EVI5: variants seen among roughly 807,000 people sequenced by gnomAD.
EVI5 encodes the protein ecotropic viral integration site 5.
A neutral mutation model predicts 112.0 loss-of-function variants in EVI5; 73 were observed. That is an observed-to-expected ratio of 0.65 (90% CI 0.54 to 0.79). The LOEUF is 0.79. EVI5 is among the 30% of genes least tolerant of loss of function. The probability of loss-of-function intolerance (pLI) is 0.00; values close to 1 mark genes in which losing one functional copy is unlikely to be tolerated. For synonymous variants in EVI5, 305 were observed against 319.9 expected (o/e 0.95, Z 0.50); for missense variants, 900 against 968.8 (o/e 0.93, Z 0.94).
rs1296529806 is a variant in EVI5, at chr1:92,697,928, G to A, written c.697C>T (p.Arg233Cys). 9 of 1,611,924 alleles carry A rather than the reference G, an allele frequency of 5.6e-6. No individual in the cohort carries two copies. Among genetic ancestry groups the A allele is most frequent in the African/African-American group, 2.7e-5 (2 of 74,788 alleles). Residue 233 changes from arginine to cysteine, a missense_variant, in exon 6 of 20, where the codon CGT becomes TGT. Arg to Cys is a radical substitution (Grantham distance 180). Transcript: ENST00000684568. ...GCCATACTTGGTTTAAAAAGTTCAC[G>A]AAGTCTATAATCTTGCATTAATTTA... ...FVKLMQDYRL[R>C]ELFKPSMAEL... is the part of the protein sequence containing the mutation.
intron 6 of EVI5, among the ~76,000 whole-genome samples, chr1:92,695,676 A>G (rs1670210041): frequency 6.6e-6 from 1 of 152,192 alleles, no homozygotes; most frequent in African/African-American, 2.4e-5. Flanking sequence ...CATTTAATTT[A>G]TTAATAAAAA....
At chr1:92,734,184 C>A (rs1464762508) in intron 2 of EVI5, among the ~76,000 whole-genome samples, 1 of 152,014 alleles carries the variant, frequency 6.6e-6, no homozygotes, top group African/African-American at 2.4e-5. Flanking sequence ...AATGTTAGGC[C>A]TAGGATGAGA....
intron 11 of EVI5, among the ~76,000 whole-genome samples, 180 bp from the exon 12 acceptor site, chr1:92,663,632 T>C (rs946449146): frequency 2.6e-5 from 4 of 152,218 alleles, no homozygotes; most frequent in Admixed American, 6.5e-5. Context: ...AAGAAAAATA[T>C]ATAAAAACAA....
At chr1:92,706,523 T>C (rs966815691) in intron 2 of EVI5, among the ~76,000 whole-genome samples, 6 of 152,234 alleles carry the variant, frequency 3.9e-5, no homozygotes, top group Non-Finnish European at 8.8e-5. Flanking sequence ...AAGAAAATAA[T>C]GGTTTTCCTA....
rs570036022 is a variant in EVI5 at position 92,711,914 on chromosome 1, A to G, written c.150-7170T>C. ...AGGGTGGGAAGCCCAAGATCAAGGC[A>G]CCAGCAAGTTTGGCATAAGATAAGG... is the stretch of plus-strand genomic sequence containing the variant. On this transcript the variant is annotated intron_variant, in intron 2 of 19. Transcript: ENST00000684568. 3.3e-5 allele frequency among the ~76,000 whole-genome samples: 5 copies of G among 152,300 alleles called. No homozygotes were observed. In the East Asian group the frequency reaches 9.7e-4, roughly 29 times the overall value.
chr1:92,588,565 C>T lies in EVI5; in HGVS notation c.2070+16742G>A, dbSNP rs1446033449. 2.6e-5 allele frequency among the ~76,000 whole-genome samples: 4 copies of T among 152,232 alleles called. No individual in the cohort carries two copies. The East Asian group carries it at 5.8e-4, about 22-fold the overall frequency. Reference sequence around the variant, plus strand: ...TAATACCAATATCTTCTCATTCTCACATTTTTCTCCGTTGTCTTCCACTGT... The same window carrying T: ...TAATACCAATATCTTCTCATTCTCATATTTTTCTCCGTTGTCTTCCACTGT... On this transcript the variant is annotated intron_variant, in intron 18 of 19. Transcript: ENST00000684568.
chr1:92,546,129 T>G (rs891672743), intron 19 of EVI5, among the ~76,000 whole-genome samples: 1 of 152,130 alleles, frequency 6.6e-6, no homozygotes. Context: ...GGGCTTTAAG[T>G]ACCATTTAGT....
intron 15 of EVI5, among the ~76,000 whole-genome samples, chr1:92,625,482 A>C (rs1557929832): frequency 6.6e-6 from 1 of 152,202 alleles, no homozygotes. Flanking sequence ...TTAATATCAA[A>C]GTTTAAGACA....
intron 18 of EVI5, among the ~76,000 whole-genome samples, chr1:92,595,979 A>T (rs1402107017): frequency 1.3e-5 from 2 of 152,232 alleles, no homozygotes; most frequent in African/African-American, 4.8e-5. Context: ...GAAAAAATTC[A>T]AAAGTGGGTT....
At chr1:92,518,608 T>C (rs1660358107) in intron 19 of EVI5, among the ~76,000 whole-genome samples, 1 of 149,844 alleles carries the variant, frequency 6.7e-6, no homozygotes, top group Admixed American at 6.7e-5. Flanking sequence ...GAGGATAGTA[T>C]CTCCGAGAAG....
At chr1:92,594,961 T>C (rs889067050) in intron 18 of EVI5, among the ~76,000 whole-genome samples, 4 of 152,324 alleles carry the variant, frequency 2.6e-5, no homozygotes, top group Admixed American at 6.5e-5. Context: ...TTGTACACTG[T>C]TGGTGGGACT....
intron 14 of EVI5, among the ~76,000 whole-genome samples, chr1:92,634,915 C>T (rs906691874): frequency 1.3e-5 from 2 of 152,216 alleles, no homozygotes; most frequent in African/African-American, 2.4e-5. Flanking sequence ...CCCTTAGCTG[C>T]AAGTCTGTTG....
chr1:92,621,832 C>A lies in EVI5; in HGVS notation c.1827+2344G>T, dbSNP rs528793482. ...TGTAGTACAATTTATCTTAAGAAAT[C>A]TAAATCAAGGCAGGGCACGGTGGCT... On this transcript the variant is annotated intron_variant, in intron 16 of 19. Coordinates refer to ENST00000684568, the MANE Select transcript of EVI5 (RefSeq NM_001350197.2). Among the ~76,000 whole-genome samples, 86 of 152,140 alleles carry A rather than the reference C, an allele frequency of 5.7e-4. 1 individual carries two copies. The South Asian group carries it at 0.018, about 31-fold the overall frequency.
chr1:92,757,146 T>C (rs1473125700), intron 1 of EVI5, among the ~76,000 whole-genome samples: 3 of 152,208 alleles, frequency 2.0e-5, no homozygotes, highest in Admixed American at 6.5e-5. Flanking sequence ...AACAAACACT[T>C]TGACGGTGCG....
intron 19 of EVI5, among the ~76,000 whole-genome samples, chr1:92,547,257 G>A (rs370760387): frequency 7.2e-5 from 11 of 152,092 alleles, no homozygotes; most frequent in South Asian, 2.1e-4. Flanking sequence ...TACTGGGTAC[G>A]TAACGAAATG....
At chr1:92,543,620 T>C (rs1310064526) in intron 19 of EVI5, among the ~76,000 whole-genome samples, 1 of 152,228 alleles carries the variant, frequency 6.6e-6, no homozygotes, top group Non-Finnish European at 1.5e-5. Context: ...TTTCAGGCTA[T>C]CTCAGCTTTC....
At position 92,509,493 on chromosome 1, in the gene EVI5, A is replaced by AT. The variant is rs11381351; in HGVS notation, c.*4162dup. The AT allele has an allele frequency of 0.58, 84,635 of 146,932 alleles. 25,433 individuals carry two copies. The highest frequency in any genetic ancestry group is 0.9 in the East Asian group (4,531 of 5,036). The allele number at this position is 146,932 out of a possible 1,614,324, so 9.1% of individuals were successfully genotyped here. ...TACATCTTTGACTTCTTTTCCCAGG[A>AT]TTTTTTTTTTTTTTAAAGAGACAGG... On this transcript the variant is annotated 3_prime_UTR_variant, in exon 20 of 20. Coordinates refer to ENST00000684568, the MANE Select transcript of EVI5 (RefSeq NM_001350197.2).
chr1:92,589,063 C>T (rs1279301860), intron 18 of EVI5, among the ~76,000 whole-genome samples: 8 of 152,206 alleles, frequency 5.3e-5, no homozygotes, highest in African/African-American at 2.4e-5. Flanking sequence ...CAGAGATACA[C>T]GAAATCAGGT....
intron 19 of EVI5, among the ~76,000 whole-genome samples, chr1:92,514,436 G>A (rs1659558993): frequency 6.6e-6 from 1 of 152,118 alleles, no homozygotes; most frequent in Non-Finnish European, 1.5e-5. Context: ...GATTACAGGT[G>A]TGAGCCACCA....
Sources: allele counts gnomAD v4.1 joint callset (sites outside exome capture counted in the v4.1 genomes callset), GRCh38; gene constraint gnomAD v4.1.1; transcripts MANE v1.5; gene names NCBI Gene and HGNC (gene_info 2026-07-23, HGNC 2026-07-21).